Variants in CLEC16A observed in about 807,000 individuals in gnomAD.
The protein encoded by CLEC16A is C-type lectin domain containing 16A, also known as protein CLEC16A.
CLEC16A carries 51 observed loss-of-function variants against 109.5 expected under a neutral mutation model. The ratio of observed to expected loss-of-function variants is 0.47; its 90% confidence interval spans 0.37 to 0.59. CLEC16A has a LOEUF of 0.59. Ranked by LOEUF, CLEC16A falls within the 20% of genes least tolerant of loss-of-function variation. CLEC16A has a pLI of 0.00. For synonymous variants in CLEC16A, 673 were observed against 564.2 expected (o/e 1.19, Z -2.73); for missense variants, 1,339 against 1,394.0 (o/e 0.96, Z 0.63).
At chr16:11,072,802 A>G (rs1287010681) in intron 19 of CLEC16A, among the ~76,000 whole-genome samples, 1 of 152,226 alleles carries the variant, frequency 6.6e-6, no homozygotes, top group Non-Finnish European at 1.5e-5. Context: ...GCACTGAAAT[A>G]TGTCTGTTCT....
At chr16:10,976,559 C>T (rs927948643) in intron 7 of CLEC16A, among the ~76,000 whole-genome samples, 1 of 152,142 alleles carries the variant, frequency 6.6e-6, no homozygotes, top group Non-Finnish European at 1.5e-5. Context: ...CAAAAATGAT[C>T]ATCTATCAGT....
At chr16:11,065,835 T>G (rs1164057234) in intron 19 of CLEC16A, among the ~76,000 whole-genome samples, 1 of 152,120 alleles carries the variant, frequency 6.6e-6, no homozygotes, top group Non-Finnish European at 1.5e-5. Context: ...TGTCCCAGGG[T>G]CCTCACAGAA....
chr16:10,984,685 C>CA (rs1294646411), intron 10 of CLEC16A, among the ~76,000 whole-genome samples: 2 of 152,170 alleles, frequency 1.3e-5, no homozygotes, highest in African/African-American at 4.8e-5. Flanking sequence ...ACAGCTGACT[C>CA]AGAGTTTATG....
At chr16:10,992,299 C>A (rs984334454) in intron 10 of CLEC16A, among the ~76,000 whole-genome samples, 1 of 152,062 alleles carries the variant, frequency 6.6e-6, no homozygotes, top group Non-Finnish European at 1.5e-5. Context: ...CCCCTCCCTG[C>A]CCAGTCTCCT....
At chr16:10,977,445 T>A (rs1433506620) in intron 8 of CLEC16A, 46 bp downstream of exon 8, 1 of 1,565,942 alleles carries the variant, frequency 6.4e-7, no homozygotes, top group Admixed American at 1.8e-5. Context: ...CCATCAGAAG[T>A]GGGGAAGAAC....
chr16:10,970,399 A>G (rs182609662), intron 4 of CLEC16A, among the ~76,000 whole-genome samples: 7 of 152,332 alleles, frequency 4.6e-5, no homozygotes, highest in Non-Finnish European at 7.3e-5. Flanking sequence ...TGGGATAAGC[A>G]CAAGACCAGA....
intron 22 of CLEC16A, among the ~76,000 whole-genome samples, chr16:11,137,936 A>G (rs1265306687): frequency 2.0e-5 from 3 of 152,226 alleles, no homozygotes; most frequent in African/African-American, 7.2e-5. Context: ...TGCAGCAATA[A>G]TGGTGCCTCA....
At chr16:10,955,161 G>A (rs1025666033) in intron 1 of CLEC16A, among the ~76,000 whole-genome samples, 21 of 152,348 alleles carry the variant, frequency 1.4e-4, no homozygotes, top group African/African-American at 3.8e-4. Context: ...GCCAGACTCC[G>A]AAGCCTGACC....
chr16:11,030,135 A>G (rs1216145720), intron 13 of CLEC16A, among the ~76,000 whole-genome samples: 1 of 152,204 alleles, frequency 6.6e-6, no homozygotes, highest in Non-Finnish European at 1.5e-5. Flanking sequence ...GTTAATGGAA[A>G]TTTGGGTTGT....
intron 12 of CLEC16A, 36 bp downstream of exon 12, chr16:11,020,361 C>G (rs777429548): frequency 5.1e-6 from 8 of 1,573,138 alleles, no homozygotes; most frequent in Non-Finnish European, 6.9e-6. Context: ...AGTGCTCTCT[C>G]AGGGAAGAGG....
At position 11,123,843 on chromosome 16, in the gene CLEC16A, G is replaced by T. The variant is rs1295458454; in HGVS notation, c.2370G>T (p.Gln790His). The T allele has an allele frequency of 1.2e-6, 2 of 1,613,886 alleles. No individual in the cohort carries two copies. Among genetic ancestry groups the T allele is most frequent in the Non-Finnish European group, 1.7e-6 (2 of 1,179,908 alleles). ...SPHSKPFPIL[Q>H]ATFIFSDHIR... is the part of the protein sequence containing the mutation. ...ATTCCAAGCCCTTCCCCATCCTCCA[G>T]GCCACCTTCATCTTCTCAGACCACA... The change falls in exon 21 of 24, where the codon CAG (glutamine) becomes CAT (histidine). Residue 790 changes from glutamine (Q) to histidine (H), a missense_variant. Around this residue, in one of 3 missense-constraint regions of CLEC16A, gnomAD observed 1,061 missense variants for 1,006.8 expected, o/e 1.05. Transcript: ENST00000409790.
chr16:11,084,997 C>T (rs752516191), intron 19 of CLEC16A, among the ~76,000 whole-genome samples: 1 of 152,208 alleles, frequency 6.6e-6, no homozygotes, highest in Non-Finnish European at 1.5e-5. Flanking sequence ...TCTCCTTGGC[C>T]CTGGATATAA....
chr16:11,114,359 T>C (rs1468915894), intron 19 of CLEC16A, among the ~76,000 whole-genome samples: 1 of 152,108 alleles, frequency 6.6e-6, no homozygotes, highest in African/African-American at 2.4e-5. Context: ...GAATTGGAGA[T>C]TCGATGGGCA....
chr16:11,164,941 G>A (rs2153091037), intron 22 of CLEC16A, among the ~76,000 whole-genome samples: 1 of 152,366 alleles, frequency 6.6e-6, no homozygotes, highest in African/African-American at 2.4e-5. Context: ...AGGGCTGGCT[G>A]TGGTGAATGC....
chr16:11,156,383 A>C lies in CLEC16A; in HGVS notation c.2642-10005A>C, dbSNP rs536089839. On this transcript the variant is annotated intron_variant, in intron 22 of 23. Transcript: ENST00000409790. The stretch of plus-strand genomic sequence containing the variant: ...AGACTCCATCTCAAAAAAAAAAAAA[A>C]AAAACACAACTAATCTGCCACTCCT... Among the ~76,000 whole-genome samples, 441 of 151,618 alleles carry C rather than the reference A, an allele frequency of 2.9e-3. 5 individuals carry two copies. The highest frequency in any genetic ancestry group is 4.8e-3 in the Non-Finnish European group (326 of 67,818).
At chr16:11,137,435 G>A (rs2053619915) in intron 22 of CLEC16A, among the ~76,000 whole-genome samples, 1 of 152,056 alleles carries the variant, frequency 6.6e-6, no homozygotes, top group African/African-American at 2.4e-5. Flanking sequence ...CACTTCCCAA[G>A]AATTAGAGTG....
chr16:11,132,347 C>T (rs1043809387), intron 22 of CLEC16A, among the ~76,000 whole-genome samples: 2 of 151,696 alleles, frequency 1.3e-5, no homozygotes, highest in African/African-American at 4.8e-5. Context: ...CATGGCCTTT[C>T]ATGCCTGGCT....
At chr16:11,068,620 C>T (rs920630713) in intron 19 of CLEC16A, among the ~76,000 whole-genome samples, 1 of 152,188 alleles carries the variant, frequency 6.6e-6, no homozygotes, top group Admixed American at 6.5e-5. Context: ...CAGTTGATGG[C>T]AGTTCCATGC....
chr16:11,169,639 T>TA, intron 23 of CLEC16A, among the ~76,000 whole-genome samples: 1 of 152,224 alleles, frequency 6.6e-6, no homozygotes, highest in Non-Finnish European at 1.5e-5. Flanking sequence ...GTACACAAGA[T>TA]ATGCCATCCC....
Sources: gnomAD v4.1 joint callset for allele counts (sites outside exome capture counted in the v4.1 genomes callset) on GRCh38, gnomAD v4.1.1 for gene constraint, gnomAD v4.1.1 regional missense constraint, MANE v1.5 for transcripts, NCBI Gene and HGNC (gene_info 2026-07-23, HGNC 2026-07-21) for gene names.